The following ACACA variants were observed in gnomAD, a reference collection of about 807,000 sequenced individuals.
ACACA encodes the protein acetyl-CoA carboxylase alpha, also known as acetyl-CoA carboxylase 1.
In ACACA, 103 loss-of-function variants were observed where a neutral mutation model predicts 296.1. The ratio of observed to expected loss-of-function variants is 0.35; its 90% confidence interval spans 0.30 to 0.41. The LOEUF is 0.41. Among genes scored for constraint, ACACA ranks in the 10% least tolerant of loss-of-function variants. The pLI is 1.00. For synonymous variants in ACACA, 953 were observed against 1,038.6 expected (o/e 0.92, Z 1.58); for missense variants, 1,554 against 2,989.7 (o/e 0.52, Z 11.20).
intron 1 of ACACA, among the ~76,000 whole-genome samples, chr17:37,350,233 A>G (rs1170245890): frequency 2.0e-5 from 3 of 151,958 alleles, no homozygotes; most frequent in African/African-American, 7.3e-5. Context: ...CAGAAGGCTG[A>G]TATGGGCGGA....
chr17:37,353,595 C>T (rs1481199199), intron 1 of ACACA, among the ~76,000 whole-genome samples: 3 of 125,200 alleles, frequency 2.4e-5, no homozygotes, highest in Admixed American at 1.0e-4. Context: ...GCTGAGATCA[C>T]GTCACTGTAC....
intron 30 of ACACA, among the ~76,000 whole-genome samples, chr17:37,208,373 T>C (rs879309779): frequency 9.9e-5 from 15 of 152,208 alleles, no homozygotes; most frequent in Admixed American, 9.8e-4. Flanking sequence ...CAGGTCACAG[T>C]CTATAAAAGG....
intron 1 of ACACA, among the ~76,000 whole-genome samples, chr17:37,372,711 T>C (rs2049853475): frequency 6.6e-6 from 1 of 152,170 alleles, no homozygotes; most frequent in Non-Finnish European, 1.5e-5. Context: ...TCATAACTTT[T>C]TTCCTGCTAA....
chr17:37,253,319 G>A (rs1020475407), intron 14 of ACACA, among the ~76,000 whole-genome samples: 2 of 152,138 alleles, frequency 1.3e-5, no homozygotes, highest in Non-Finnish European at 2.9e-5. Flanking sequence ...GTGAACCCGG[G>A]AGGCGGAGCT....
intron 33 of ACACA, among the ~76,000 whole-genome samples, chr17:37,201,700 T>C (rs2078257147): frequency 6.6e-6 from 1 of 152,196 alleles, no homozygotes; most frequent in Non-Finnish European, 1.5e-5. Flanking sequence ...AAAAGTAATG[T>C]GGACTTTCAC....
chr17:37,097,713 G>T lies in ACACA; in HGVS notation c.6720+117C>A. 8.2e-7 allele frequency: 1 copy of T among 1,214,310 alleles called. No homozygotes were observed. The highest frequency in any genetic ancestry group is 1.2e-6 in the Non-Finnish European group (1 of 849,224). The allele number at this position is 1,214,310 out of a possible 1,614,324, so 75.2% of individuals were successfully genotyped here. On this transcript the variant is annotated intron_variant, in intron 53 of 55. Transcript: ENST00000616317. This position sits in a 1 kb window ranked among gnomAD's most constrained non-coding sequence, Gnocchi z 4.8. ...AAAAATATTGAAAATGTTTTGATCTGCAGAAGTTGTTTTAATTTGGCCCTC... is the reference window on the plus strand; with the variant it reads ...AAAAATATTGAAAATGTTTTGATCTTCAGAAGTTGTTTTAATTTGGCCCTC...
intron 47 of ACACA, among the ~76,000 whole-genome samples, chr17:37,128,024 C>CAAAAAAAAAA (rs1173864454): frequency 1.5e-4 from 6 of 39,736 alleles, no homozygotes; most frequent in Admixed American, 3.8e-4. Flanking sequence ...AACTCCATCT[C>CAAAAAAAAAA]AAAAAAAAAA....
At chr17:37,365,237 G>T (rs1298779575) in intron 1 of ACACA, among the ~76,000 whole-genome samples, 1 of 152,084 alleles carries the variant, frequency 6.6e-6, no homozygotes, top group Non-Finnish European at 1.5e-5. Context: ...GGGATTACAG[G>T]TGTGAGCCAC....
At chr17:37,290,990 G>A (rs1004179924) in intron 3 of ACACA, among the ~76,000 whole-genome samples, 4 of 149,386 alleles carry the variant, frequency 2.7e-5, no homozygotes, top group Non-Finnish European at 5.9e-5. Context: ...GCTGAGGCAG[G>A]AGAATCACTT....
chr17:37,159,062 C>T (rs1353759851), intron 42 of ACACA, among the ~76,000 whole-genome samples: 1 of 151,628 alleles, frequency 6.6e-6, no homozygotes, highest in Non-Finnish European at 1.5e-5. Context: ...CCTGTAGTCC[C>T]AGCTACTTGA....
intron 3 of ACACA, among the ~76,000 whole-genome samples, chr17:37,313,032 T>C (rs991632251): frequency 1.3e-5 from 2 of 152,198 alleles, no homozygotes; most frequent in African/African-American, 4.8e-5. Context: ...TCCTAGACAT[T>C]TTCCTGACTA....
intron 41 of ACACA, among the ~76,000 whole-genome samples, chr17:37,166,032 A>G (rs1268921967): frequency 6.6e-6 from 1 of 152,154 alleles, no homozygotes; most frequent in African/African-American, 2.4e-5. Flanking sequence ...TTGGCTTACC[A>G]TCTTGAACGA....
chr17:37,309,878 CA>C (rs2084050280), intron 3 of ACACA, among the ~76,000 whole-genome samples: 1 of 151,776 alleles, frequency 6.6e-6, no homozygotes, highest in Admixed American at 6.6e-5. Context: ...ATAGTGAGAA[CA>C]CATCTCTACA....
chr17:37,299,827 C>G, intron 3 of ACACA: 1 of 989,390 alleles, frequency 1.0e-6, no homozygotes, highest in Non-Finnish European at 1.2e-6. Context: ...GACAATTAAG[C>G]CAAGAAAATA....
intron 41 of ACACA, among the ~76,000 whole-genome samples, chr17:37,162,424 T>C (rs2076497040): frequency 6.6e-6 from 1 of 152,224 alleles, no homozygotes; most frequent in Admixed American, 6.5e-5. Flanking sequence ...TTTGGATGTC[T>C]GTCCTCTCTA....
chr17:37,229,045 G>A (rs939313065), intron 25 of ACACA, among the ~76,000 whole-genome samples: 6 of 151,314 alleles, frequency 4.0e-5, no homozygotes, highest in African/African-American at 1.5e-4. Flanking sequence ...TCGGGAGGCT[G>A]AGGCAGGAGA....
At chr17:37,096,938 G>GC (rs1271601501) in intron 54 of ACACA, 58 bp downstream of exon 54, 5 of 1,601,168 alleles carry the variant, frequency 3.1e-6, no homozygotes, top group Non-Finnish European at 4.3e-6. Flanking sequence ...GAGACTTGCA[G>GC]CCCTCAGGTG....
intron 3 of ACACA, chr17:37,299,878 T>G: frequency 4.9e-6 from 4 of 820,212 alleles, no homozygotes; most frequent in Non-Finnish European, 5.9e-6. Context: ...CAGCTCGGTC[T>G]AAAGAGGTAA....
rs771163922 is a variant in ACACA, at chr17:37,284,956, C to G, written c.353G>C (p.Gly118Ala). Residue 118 changes from glycine (G) to alanine (A), a missense_variant, in exon 4 of 56, where the codon GGC becomes GCC. Around this residue, in one of 16 missense-constraint regions of ACACA, gnomAD observed 140 missense variants for 147.7 expected, o/e 0.95. Coordinates refer to ENST00000616317, the MANE Select transcript of ACACA (RefSeq NM_198834.3). ...TCGGCCCTGCTTTACTAGGTGCAAG[C>G]CAGACATGCTGGACCTATAAAAATA... ...LALHIRSSMS[G>A]LHLVKQGRDR... 6.2e-7 allele frequency: 1 copy of G among 1,614,102 alleles called. No individual in the cohort carries two copies. The highest frequency in any genetic ancestry group is 1.7e-5 in the Admixed American group (1 of 60,010).
Sources: gnomAD v4.1 joint callset for allele counts (sites outside exome capture counted in the v4.1 genomes callset) on GRCh38, gnomAD v4.1.1 for gene constraint, gnomAD v4.1.1 regional missense constraint, Gnocchi (gnomAD v3.1) non-coding constraint, MANE v1.5 for transcripts, NCBI Gene and HGNC (gene_info 2026-07-23, HGNC 2026-07-21) for gene names.